AUTS2: variants seen among roughly 807,000 people sequenced by gnomAD.
The protein encoded by AUTS2 is autism susceptibility gene 2 protein.
Under a neutral mutation model 112.4 loss-of-function variants are expected in AUTS2, and 17 were observed. The observed-to-expected ratio is 0.15, with a 90% confidence interval of 0.10 to 0.23. The LOEUF is 0.23. Among genes scored for constraint, AUTS2 ranks in the 10% least tolerant of loss-of-function variants. The probability of loss-of-function intolerance (pLI) is 1.00; values close to 1 mark genes in which losing one functional copy is unlikely to be tolerated. For synonymous variants in AUTS2, 751 were observed against 702.7 expected, an observed-to-expected ratio of 1.07 and a Z score of -1.09; for missense variants, 1,510 against 1,701.6, an observed-to-expected ratio of 0.89 and a Z score of 1.98.
chr7:70,091,545 C>T (rs1803920449), intron 2 of AUTS2, among the ~76,000 whole-genome samples: 1 of 152,134 alleles, frequency 6.6e-6, no homozygotes, highest in African/African-American at 2.4e-5. Flanking sequence ...AGTCTCGACA[C>T]TTGGAAAAGA....
chr7:69,897,841 G>A (rs553092924), intron 1 of AUTS2, among the ~76,000 whole-genome samples: 28 of 152,130 alleles, frequency 1.8e-4, no homozygotes, highest in African/African-American at 6.3e-4. Context: ...TGGCTGATTT[G>A]GGGAGAGATG....
intron 4 of AUTS2, among the ~76,000 whole-genome samples, chr7:70,320,413 C>G (rs2129617710): frequency 6.6e-6 from 1 of 152,314 alleles, no homozygotes; most frequent in Admixed American, 6.5e-5. Context: ...TGTACATACA[C>G]AGAAGCCAGA....
chr7:70,058,594 A>G (rs1254115643), intron 2 of AUTS2, among the ~76,000 whole-genome samples: 3 of 150,862 alleles, frequency 2.0e-5, no homozygotes, highest in African/African-American at 7.3e-5. Context: ...GAAGAAACAT[A>G]CCTGGATTTA....
At chr7:70,255,922 A>G (rs772650051) in intron 4 of AUTS2, among the ~76,000 whole-genome samples, 6 of 152,252 alleles carry the variant, frequency 3.9e-5, no homozygotes, top group African/African-American at 1.4e-4. Context: ...GAACCAGCCT[A>G]TAACTTTTCC....
chr7:69,980,793 G>C (rs1798264042), intron 2 of AUTS2, among the ~76,000 whole-genome samples: 2 of 152,114 alleles, frequency 1.3e-5, no homozygotes, highest in Admixed American at 6.5e-5. Flanking sequence ...CTGGGATGAA[G>C]CCTTGGCGTC....
intron 5 of AUTS2, among the ~76,000 whole-genome samples, chr7:70,552,461 G>C (rs1801054359): frequency 6.6e-6 from 1 of 152,194 alleles, no homozygotes. Context: ...TTAAGGAACT[G>C]AATTTTCCAT....
intron 4 of AUTS2, among the ~76,000 whole-genome samples, chr7:70,246,181 GATAA>G (rs1378768464): frequency 6.6e-6 from 1 of 152,044 alleles, no homozygotes; most frequent in African/African-American, 2.4e-5. Flanking sequence ...GGTGTCTTGT[GATAA>G]AAAGTTCTTA....
At chr7:70,246,938 C>T (rs945182283) in intron 4 of AUTS2, among the ~76,000 whole-genome samples, 4 of 150,928 alleles carry the variant, frequency 2.7e-5, no homozygotes, top group African/African-American at 9.7e-5. Flanking sequence ...TAGATTTGTT[C>T]CCAGGTACTT....
chr7:70,709,165 C>G (rs866118019), intron 6 of AUTS2, among the ~76,000 whole-genome samples: 46 of 152,010 alleles, frequency 3.0e-4, no homozygotes, highest in Middle Eastern at 3.4e-3. Flanking sequence ...GATCCGCTCA[C>G]CTCGGCCTCC....
At chr7:69,759,229 G>A (rs542190379) in intron 1 of AUTS2, among the ~76,000 whole-genome samples, 36 of 151,886 alleles carry the variant, frequency 2.4e-4, no homozygotes, top group Admixed American at 4.6e-4. Flanking sequence ...GAATTGCTTG[G>A]GACCAGAAGT....
At chr7:70,344,754 G>A (rs1485691630) in intron 4 of AUTS2, among the ~76,000 whole-genome samples, 1 of 152,090 alleles carries the variant, frequency 6.6e-6, no homozygotes, top group Admixed American at 6.6e-5. Context: ...TTTTTTTGGA[G>A]TGAAGCTTTT....
In AUTS2 at chr7:69,861,919, G is replaced by A. The variant is rs562621135; in HGVS notation, c.310-37367G>A. Among the ~76,000 whole-genome samples the A allele has an allele frequency of 3.3e-5, 5 of 152,260 alleles. No homozygotes were observed. The South Asian group carries it at 1.0e-3, about 32-fold the overall frequency. On this transcript the variant is annotated intron_variant, in intron 1 of 18. Coordinates refer to ENST00000342771, the MANE Select transcript of AUTS2 (RefSeq NM_015570.4). ...TGGAGTTGGTTTGCTGTTCTAGTTA[G>A]TAGAACATGAGTGTGCTTCCTGGAA...
chr7:70,477,795 A>AAT (rs36174425), intron 5 of AUTS2, among the ~76,000 whole-genome samples: 23,197 of 152,142 alleles, frequency 0.15, 2,264 homozygotes, highest in Non-Finnish European at 0.2. Flanking sequence ...GTGTACTGGG[A>AAT]ATCCACAAGT....
intron 2 of AUTS2, among the ~76,000 whole-genome samples, chr7:69,947,967 T>C (rs1796881421): frequency 1.3e-5 from 2 of 152,194 alleles, no homozygotes; most frequent in Admixed American, 6.6e-5. Context: ...TTTTATAAAG[T>C]TTTGTGTTTT....
chr7:70,101,178 T>C (rs895603940), intron 2 of AUTS2, among the ~76,000 whole-genome samples: 1 of 152,100 alleles, frequency 6.6e-6, no homozygotes, highest in Non-Finnish European at 1.5e-5. Context: ...TCGCCTGGCA[T>C]ATATTTGGTT....
At chr7:70,276,616 T>A (rs1787942077) in intron 4 of AUTS2, among the ~76,000 whole-genome samples, 1 of 152,100 alleles carries the variant, frequency 6.6e-6, no homozygotes, top group Non-Finnish European at 1.5e-5. Context: ...TGAATTCAGG[T>A]GACCTGCCTG....
chr7:70,220,633 CT>C (rs1472105957), intron 4 of AUTS2, among the ~76,000 whole-genome samples: 4 of 152,092 alleles, frequency 2.6e-5, no homozygotes, highest in African/African-American at 9.7e-5. Context: ...ACCTGGCTAG[CT>C]ACGGATGCAT....
intron 5 of AUTS2, among the ~76,000 whole-genome samples, chr7:70,440,566 G>A (rs1796085100): frequency 6.6e-6 from 1 of 152,140 alleles, no homozygotes; most frequent in Non-Finnish European, 1.5e-5. Context: ...GGAAAGCTGG[G>A]GTTCTTCTAG....
chr7:69,708,250 A>G (rs1010711202), intron 1 of AUTS2, among the ~76,000 whole-genome samples: 6 of 152,214 alleles, frequency 3.9e-5, no homozygotes, highest in African/African-American at 1.2e-4. Flanking sequence ...AGAGCATCAT[A>G]TTGCTCACCT....
Sources: gnomAD v4.1 joint callset for allele counts (sites outside exome capture counted in the v4.1 genomes callset) on GRCh38, gnomAD v4.1.1 for gene constraint, MANE v1.5 for transcripts, NCBI Gene and HGNC (gene_info 2026-07-23, HGNC 2026-07-21) for gene names.